Variants in PRUNE2 observed in about 807,000 individuals in gnomAD.
The protein encoded by PRUNE2 is prune homolog 2 with BCH domain, also known as protein prune homolog 2.
PRUNE2 carries 164 observed loss-of-function variants against 252.0 expected under a neutral mutation model. The ratio of observed to expected loss-of-function variants is 0.65; its 90% CI spans 0.57 to 0.74. The LOEUF (loss-of-function observed/expected upper bound fraction) is 0.74, where lower values mean the gene tolerates loss of function less well. Among genes scored for constraint, PRUNE2 ranks in the 30% least tolerant of loss-of-function variants. The pLI is 0.00. For synonymous variants in PRUNE2, 1,292 were observed against 1,350.2 expected, an observed-to-expected ratio of 0.96 and a Z score of 0.94; for missense variants, 3,495 against 3,711.0, an observed-to-expected ratio of 0.94 and a Z score of 1.51.
intron 6 of PRUNE2, among the ~76,000 whole-genome samples, chr9:76,794,830 G>T (rs2055931105): frequency 6.6e-6 from 1 of 152,010 alleles, no homozygotes; most frequent in Admixed American, 6.6e-5. Flanking sequence ...GTGGCCCTAA[G>T]AATTAAATAG....
intron 1 of PRUNE2, among the ~76,000 whole-genome samples, chr9:76,904,888 C>T (rs1295408383): frequency 6.6e-6 from 1 of 152,144 alleles, no homozygotes; most frequent in African/African-American, 2.4e-5. Flanking sequence ...CTTTGTTGTG[C>T]GAGGGTAAAT....
rs1464640778 is a variant in PRUNE2 at position 76,704,798 on chromosome 9, A to G, written c.7476T>C (p.Ser2492=). ...NVDWEVETDN[S]DLPAGGDIGP... ...CTATGTCTCCACCTGCTGGTAAATC[A>G]GAATTATCTGTTTCTACTTCCCAGT... Residue 2492 remains serine (S), a synonymous_variant, in exon 8 of 19, where the codon TCT becomes TCC. Transcript: ENST00000376718. The G allele has an allele frequency of 6.3e-7, 1 of 1,575,544 alleles. No homozygotes were observed. The highest frequency in any genetic ancestry group is 2.3e-5 in the East Asian group (1 of 43,390).
chr9:76,618,245 G>A (rs1018767566), intron 18 of PRUNE2, among the ~76,000 whole-genome samples: 1 of 152,148 alleles, frequency 6.6e-6, no homozygotes, highest in Non-Finnish European at 1.5e-5. Context: ...GAGTTTTTGT[G>A]CCTAAACTTC....
chr9:76,633,358 G>A (rs1838574177), intron 15 of PRUNE2, among the ~76,000 whole-genome samples: 1 of 151,798 alleles, frequency 6.6e-6, no homozygotes. Flanking sequence ...AGATGGGAAG[G>A]TCACCTGATC....
chr9:76,701,908 G>T (rs554357030), intron 9 of PRUNE2, among the ~76,000 whole-genome samples: 54 of 152,160 alleles, frequency 3.5e-4, no homozygotes, highest in Non-Finnish European at 6.8e-4. Flanking sequence ...CTAATTTTAC[G>T]CATGAGAAAA....
At chr9:76,650,521 T>C (rs1440637279) in intron 11 of PRUNE2, among the ~76,000 whole-genome samples, 1 of 152,202 alleles carries the variant, frequency 6.6e-6, no homozygotes, top group Admixed American at 6.5e-5. Context: ...AACATATTTA[T>C]AATCCAACCC....
At chr9:76,718,925 C>G (rs1003504031) in intron 6 of PRUNE2, among the ~76,000 whole-genome samples, 18 of 152,126 alleles carry the variant, frequency 1.2e-4, no homozygotes, top group African/African-American at 4.3e-4. Flanking sequence ...TCATCTCTCA[C>G]GTAATTCACC....
chr9:76,882,517 A>T (rs1446429001), intron 1 of PRUNE2, among the ~76,000 whole-genome samples: 1 of 152,228 alleles, frequency 6.6e-6, no homozygotes, highest in Non-Finnish European at 1.5e-5. Context: ...GCATCTGCTC[A>T]GCTTCCAGGG....
At chr9:76,829,741 GT>G (rs2058560660) in intron 4 of PRUNE2, among the ~76,000 whole-genome samples, 1 of 151,160 alleles carries the variant, frequency 6.6e-6, no homozygotes, top group African/African-American at 2.4e-5. Context: ...GCAGAGAATA[GT>G]TTTGTTTTGT....
intron 6 of PRUNE2, among the ~76,000 whole-genome samples, chr9:76,793,999 C>T (rs1201943260): frequency 2.6e-5 from 4 of 152,176 alleles, no homozygotes; most frequent in Non-Finnish European, 4.4e-5. Context: ...ACAGATATCC[C>T]TTTGTTTCTT....
At chr9:76,818,446 C>T (rs781536043) in intron 6 of PRUNE2, among the ~76,000 whole-genome samples, 17 of 152,110 alleles carry the variant, frequency 1.1e-4, no homozygotes, top group Non-Finnish European at 2.1e-4. Context: ...GTATTTTCCC[C>T]TGGGCAGTAC....
chr9:76,614,704 C>A, intron 18 of PRUNE2, 104 bp from the exon 19 acceptor site: 2 of 833,934 alleles, frequency 2.4e-6, no homozygotes, highest in East Asian at 2.6e-5. Flanking sequence ...AAAGGACATA[C>A]TGAAAATATT....
At chr9:76,684,782 C>T (rs571624996) in intron 9 of PRUNE2, among the ~76,000 whole-genome samples, 2 of 152,142 alleles carry the variant, frequency 1.3e-5, no homozygotes, top group South Asian at 2.1e-4. Context: ...GATGGAGTCT[C>T]GCTCTGTTGC....
intron 9 of PRUNE2, among the ~76,000 whole-genome samples, chr9:76,681,920 T>C (rs1427481401): frequency 6.6e-6 from 1 of 152,230 alleles, no homozygotes; most frequent in Non-Finnish European, 1.5e-5. Context: ...CAATGTCACC[T>C]TGAAATTTTA....
chr9:76,720,642 AT>A (rs2135230517), intron 6 of PRUNE2, among the ~76,000 whole-genome samples: 1 of 142,454 alleles, frequency 7.0e-6, no homozygotes, highest in South Asian at 2.3e-4. Context: ...GATTTATGGG[AT>A]TAAATCTGAT....
intron 17 of PRUNE2, among the ~76,000 whole-genome samples, chr9:76,620,638 A>T (rs892680793): frequency 1.3e-5 from 2 of 152,152 alleles, no homozygotes; most frequent in African/African-American, 4.8e-5. Context: ...TGAGATAGCA[A>T]CCTTCCTTTC....
intron 6 of PRUNE2, among the ~76,000 whole-genome samples, chr9:76,749,248 A>G (rs2050402800): frequency 6.6e-6 from 1 of 152,240 alleles, no homozygotes; most frequent in Admixed American, 6.5e-5. Context: ...GATAAGGGCA[A>G]AACTGAGGGC....
intron 6 of PRUNE2, among the ~76,000 whole-genome samples, chr9:76,725,231 G>T: frequency 6.6e-6 from 1 of 152,180 alleles, no homozygotes; most frequent in Non-Finnish European, 1.5e-5. Flanking sequence ...TTCTGCACGT[G>T]TGCATTGCAC....
chr9:76,889,338 A>G (rs895817967), intron 1 of PRUNE2, among the ~76,000 whole-genome samples: 4 of 96,534 alleles, frequency 4.1e-5, no homozygotes, highest in African/African-American at 1.8e-4. Flanking sequence ...GCGTGACTGC[A>G]GATTTTTTTT....
Sources: allele counts gnomAD v4.1 joint callset (sites outside exome capture counted in the v4.1 genomes callset), GRCh38; gene constraint gnomAD v4.1.1; transcripts MANE v1.5; gene names NCBI Gene and HGNC (gene_info 2026-07-23, HGNC 2026-07-21).